The following NRCAM variants were observed in gnomAD, a reference collection of about 807,000 sequenced individuals.
The protein encoded by NRCAM is neuronal cell adhesion molecule, also known as NgCAM-related cell adhesion molecule.
In NRCAM, 83 loss-of-function variants were observed where a neutral mutation model predicts 156.5. That is an observed-to-expected ratio of 0.53 (90% CI 0.44 to 0.64). The LOEUF (loss-of-function observed/expected upper bound fraction) is 0.64. Among genes scored for constraint, NRCAM ranks in the 30% least tolerant of loss-of-function variants. The pLI, the probability that NRCAM is intolerant of heterozygous loss-of-function variation, is 0.00. For synonymous variants in NRCAM, 538 were observed against 563.9 expected (o/e 0.95, Z 0.65); for missense variants, 1,417 against 1,597.3 (o/e 0.89, Z 1.92).
At chr7:108,247,730 G>C (rs2096054258) in intron 3 of NRCAM, among the ~76,000 whole-genome samples, 1 of 151,730 alleles carries the variant, frequency 6.6e-6, no homozygotes, top group East Asian at 1.9e-4. Context: ...GTCCAATATT[G>C]TTAGTCTATC....
chr7:108,166,669 T>A (rs2054571453), intron 30 of NRCAM, among the ~76,000 whole-genome samples: 1 of 152,228 alleles, frequency 6.6e-6, no homozygotes, highest in African/African-American at 2.4e-5. Flanking sequence ...TAATATAAGT[T>A]AAAATCATAT....
At chr7:108,227,531 C>T (rs903439813) in intron 8 of NRCAM, among the ~76,000 whole-genome samples, 1 of 152,168 alleles carries the variant, frequency 6.6e-6, no homozygotes, top group South Asian at 2.1e-4. Flanking sequence ...CACAGTCACC[C>T]TACTGTGCAA....
intron 30 of NRCAM, among the ~76,000 whole-genome samples, chr7:108,165,695 A>T (rs1159797207): frequency 6.6e-6 from 1 of 152,250 alleles, no homozygotes. Context: ...TAGCAAATGA[A>T]TATCTTTAAA....
chr7:108,190,867 T>C (rs1431771232), intron 19 of NRCAM, among the ~76,000 whole-genome samples: 1 of 150,492 alleles, frequency 6.6e-6, no homozygotes, highest in African/African-American at 2.4e-5. Context: ...CAAACAACTT[T>C]TAATAAATTG....
chr7:108,250,252 CCA>C (rs1471703828), intron 3 of NRCAM, among the ~76,000 whole-genome samples: 4 of 151,820 alleles, frequency 2.6e-5, no homozygotes, highest in African/African-American at 9.7e-5. Context: ...AACTCCATCT[CCA>C]CACACACAAA....
At chr7:108,297,201 G>A (rs2098468456) in intron 3 of NRCAM, among the ~76,000 whole-genome samples, 1 of 152,158 alleles carries the variant, frequency 6.6e-6, no homozygotes, top group African/African-American at 2.4e-5. Context: ...AAGATTTTGA[G>A]AACAGTTTCT....
intron 1 of NRCAM, among the ~76,000 whole-genome samples, chr7:108,441,791 A>G (rs1175485198): frequency 6.6e-6 from 1 of 152,344 alleles, no homozygotes; most frequent in African/African-American, 2.4e-5. Flanking sequence ...AATTTTGAAA[A>G]GAAAGTTTTA....
chr7:108,169,500 A>C (rs966854704), intron 28 of NRCAM, among the ~76,000 whole-genome samples: 1 of 152,226 alleles, frequency 6.6e-6, no homozygotes, highest in Non-Finnish European at 1.5e-5. Flanking sequence ...TTGTTCAAAT[A>C]AATGTAATAA....
chr7:108,430,122 G>A (rs1293232711), intron 1 of NRCAM, among the ~76,000 whole-genome samples: 1 of 152,196 alleles, frequency 6.6e-6, no homozygotes, highest in African/African-American at 2.4e-5. Context: ...CAGAGAGGCA[G>A]CAGGGGTCAT....
intron 1 of NRCAM, among the ~76,000 whole-genome samples, chr7:108,447,463 G>A (rs1372840744): frequency 6.6e-6 from 1 of 151,528 alleles, no homozygotes; most frequent in African/African-American, 2.4e-5. Flanking sequence ...GTAGAGAGGG[G>A]GTTTTACCAT....
At chr7:108,252,832 T>C (rs1392274994) in intron 3 of NRCAM, among the ~76,000 whole-genome samples, 2 of 152,258 alleles carry the variant, frequency 1.3e-5, no homozygotes, top group Non-Finnish European at 2.9e-5. Flanking sequence ...GGAGACGAGC[T>C]GTTCTCTAAA....
At chr7:108,241,998 C>A (rs2095557802) in intron 3 of NRCAM, among the ~76,000 whole-genome samples, 1 of 151,984 alleles carries the variant, frequency 6.6e-6, no homozygotes, top group African/African-American at 2.4e-5. Context: ...ATATGCCAGG[C>A]CAGGTGCGGT....
chr7:108,333,715 C>T (rs1593850899), intron 2 of NRCAM, among the ~76,000 whole-genome samples: 1 of 152,228 alleles, frequency 6.6e-6, no homozygotes, highest in East Asian at 1.9e-4. Flanking sequence ...TTCAGAAACC[C>T]CTAAACACCT....
intron 11 of NRCAM, among the ~76,000 whole-genome samples, chr7:108,215,202 G>T (rs1268610304): frequency 6.7e-6 from 1 of 149,186 alleles, no homozygotes; most frequent in African/African-American, 2.5e-5. Context: ...GGGTGTTAAA[G>T]TGTCCCACTA....
intron 2 of NRCAM, among the ~76,000 whole-genome samples, chr7:108,371,102 A>C (rs1306888875): frequency 3.3e-5 from 5 of 152,182 alleles, no homozygotes; most frequent in Non-Finnish European, 5.9e-5. Flanking sequence ...CAAAAGCTAG[A>C]CCAAGGATAA....
chr7:108,292,055 G>A (rs573008391), intron 3 of NRCAM, among the ~76,000 whole-genome samples: 2 of 152,340 alleles, frequency 1.3e-5, no homozygotes, highest in Admixed American at 1.3e-4. Flanking sequence ...AGTGGTCAGG[G>A]AAATATACAC....
chr7:108,399,389 G>A (rs2099785585), intron 2 of NRCAM, 47 bp downstream of exon 2: 1 of 152,174 alleles, frequency 6.6e-6, no homozygotes, highest in Non-Finnish European at 1.5e-5. Flanking sequence ...AGACAGACCA[G>A]TTAATTCAGT....
At chr7:108,436,626 A>G (rs1832567751) in intron 1 of NRCAM, among the ~76,000 whole-genome samples, 2 of 152,236 alleles carry the variant, frequency 1.3e-5, no homozygotes, top group South Asian at 4.1e-4. Context: ...TTTCATAACA[A>G]AATTTTAGTA....
At chr7:108,388,874 A>G in intron 2 of NRCAM, among the ~76,000 whole-genome samples, 1 of 151,928 alleles carries the variant, frequency 6.6e-6, no homozygotes, top group Admixed American at 6.5e-5. Context: ...GGTTGTAGAT[A>G]TGCGGCATTA....
Sources: allele counts gnomAD v4.1 joint callset (sites outside exome capture counted in the v4.1 genomes callset), GRCh38; gene constraint gnomAD v4.1.1; transcripts MANE v1.5; gene names NCBI Gene and HGNC (gene_info 2026-07-23, HGNC 2026-07-21).